The following MME variants were observed in gnomAD, a reference collection of about 807,000 sequenced individuals.
The protein encoded by MME is membrane metalloendopeptidase.
In MME, 98 loss-of-function variants were observed where a neutral mutation model predicts 113.2. The observed-to-expected ratio is 0.87, with a 90% CI of 0.74 to 1.02. MME has a LOEUF of 1.02. Among genes scored for constraint, MME ranks in the 50% least tolerant of loss-of-function variants. The pLI, the probability that MME is intolerant of heterozygous loss-of-function variation, is 0.00. For synonymous variants in MME, 292 were observed against 300.6 expected, an observed-to-expected ratio of 0.97 and a Z score of 0.30; for missense variants, 836 against 896.0, an observed-to-expected ratio of 0.93 and a Z score of 0.86.
intron 3 of MME, among the ~76,000 whole-genome samples, chr3:155,104,771 C>CTA (rs576416055): frequency 2.6e-5 from 4 of 152,156 alleles, no homozygotes; most frequent in Non-Finnish European, 5.9e-5. Flanking sequence ...TCATGACCTT[C>CTA]TATAGCTTTA....
intron 1 of MME, among the ~76,000 whole-genome samples, chr3:155,067,977 G>A (rs1714440373): frequency 6.6e-6 from 1 of 152,140 alleles, no homozygotes; most frequent in African/African-American, 2.4e-5. Context: ...ACTTAAAAAT[G>A]AATTTTCACA....
intron 17 of MME, 26 bp from the exon 18 acceptor site, chr3:155,166,876 T>C (rs749349258): frequency 1.2e-6 from 2 of 1,613,350 alleles, no homozygotes; most frequent in East Asian, 2.2e-5. Context: ...CCACAAATAA[T>C]CTCTAACTAT....
In MME at chr3:155,168,573, G is replaced by T. The variant is rs1358720141; in HGVS notation, c.1862G>T (p.Cys621Phe). The T allele has an allele frequency of 6.2e-7, 1 of 1,613,796 alleles. No individual in the cohort carries two copies. Among genetic ancestry groups the T allele is most frequent in the Non-Finnish European group, 8.5e-7 (1 of 1,179,780 alleles). Residue 621 changes from cysteine (C) to phenylalanine (F), a missense_variant, in exon 19 of 23, where the codon TGC becomes TTC. Physicochemically the swap from Cys to Phe is radical, Grantham distance 205. Transcript: ENST00000360490. ...SASNFKEQSQ[C>F]MVYQYGNFSW... The stretch of plus-strand genomic sequence containing the variant: ...AGTAACTTTAAGGAGCAATCCCAGT[G>T]CATGGTGTATCAGTATGGAAACTTT...
chr3:155,125,265 C>T (rs1719532247), intron 8 of MME, among the ~76,000 whole-genome samples: 1 of 140,144 alleles, frequency 7.1e-6, no homozygotes, highest in African/African-American at 2.5e-5. Context: ...AATGCCTCGC[C>T]CTGCTTCGGC....
chr3:155,033,010 C>T (rs932708029), intron 1 of MME, among the ~76,000 whole-genome samples: 5 of 152,100 alleles, frequency 3.3e-5, no homozygotes, highest in African/African-American at 1.2e-4. Flanking sequence ...AAAGATGTAA[C>T]TGTCATGGAA....
chr3:155,042,940 G>GTATA (rs57585504), intron 1 of MME, among the ~76,000 whole-genome samples: 16,815 of 52,468 alleles, frequency 0.32, 3,045 homozygotes, highest in East Asian at 0.56. Context: ...ATATATATAT[G>GTATA]TATATATATA....
intron 3 of MME, among the ~76,000 whole-genome samples, chr3:155,109,792 C>G (rs754548847): frequency 9.2e-5 from 14 of 152,166 alleles, no homozygotes; most frequent in South Asian, 2.1e-4. Context: ...CATGTTTAGC[C>G]AGGGTTGACA....
rs190045620 is a variant in MME, at chr3:155,028,497, C to T, written c.-11+4173C>T. Among the ~76,000 whole-genome samples the T allele has an allele frequency of 2.4e-3, 367 of 152,280 alleles. 3 individuals are homozygous for T. The highest frequency in any genetic ancestry group is 3.7e-3 in the Non-Finnish European group (251 of 68,024). ...AGGGGATCACCTGGTGTAGCAGATG[C>T]TGTACTACCTGCTTTCCACATTTCT... On this transcript the variant is annotated intron_variant, in intron 1 of 22. Coordinates refer to the MME transcript ENST00000492661.
At chr3:155,152,573 G>A (rs1722007941) in intron 16 of MME, among the ~76,000 whole-genome samples, 1 of 152,018 alleles carries the variant, frequency 6.6e-6, no homozygotes, top group African/African-American at 2.4e-5. Context: ...GGGCCCAGTG[G>A]CTCACGCCTA....
chr3:155,161,015 A>G (rs1301921709), intron 17 of MME, among the ~76,000 whole-genome samples: 7 of 152,136 alleles, frequency 4.6e-5, no homozygotes. Context: ...ATCAAAAAAG[A>G]AAAAATTTCG....
At position 155,044,331 on chromosome 3, in the gene MME, A is replaced by C. The variant is rs111345546; in HGVS notation, c.-11+20007A>C. ...TATTATTAGTACAGATGGGATTTCA[A>C]TATATTGGCCAGGCTGGTCTTGAAC... On this transcript the variant is annotated intron_variant, in intron 1 of 22. Transcript: ENST00000492661. 8.8e-4 allele frequency among the ~76,000 whole-genome samples: 133 copies of C among 150,632 alleles called. 1 individual carries two copies. Among genetic ancestry groups the C allele is most frequent in the African/African-American group, 3.1e-3 (126 of 41,114 alleles).
At chr3:155,149,636 A>G (rs1721772321) in intron 16 of MME, among the ~76,000 whole-genome samples, 1 of 152,088 alleles carries the variant, frequency 6.6e-6, no homozygotes, top group African/African-American at 2.4e-5. Flanking sequence ...ACATGGTGTA[A>G]TAAACTGCAC....
chr3:155,027,464 A>G (rs1712824901), intron 1 of MME, among the ~76,000 whole-genome samples: 1 of 152,224 alleles, frequency 6.6e-6, no homozygotes, highest in South Asian at 2.1e-4. Context: ...AAAGGCTATT[A>G]GCGGATTTCT....
chr3:155,116,470 C>T lies in MME; in HGVS notation c.359-9C>T. On this transcript the variant is annotated splice_polypyrimidine_tract_variant and intron_variant, in intron 4 of 22. Coordinates refer to ENST00000360490, the MANE Select transcript of MME (RefSeq NM_007289.4). ...ATGTTGATGCATTTTATTAAATGTCCTATTTCAGATGTCCTTCAAGAACCC... is the reference window on the plus strand; with the variant it reads ...ATGTTGATGCATTTTATTAAATGTCTTATTTCAGATGTCCTTCAAGAACCC... 1.3e-6 allele frequency: 2 copies of T among 1,586,276 alleles called. No individual in the cohort carries two copies. The highest frequency in any genetic ancestry group is 1.7e-6 in the Non-Finnish European group (2 of 1,155,208).
rs10935999 is a variant in MME, at chr3:155,140,108, C to T, written c.856-83C>T. The T allele has an allele frequency of 0.097, 84,696 of 876,100 alleles. 4,794 individuals are homozygous for T. Among genetic ancestry groups the T allele is most frequent in the Middle Eastern group, 0.12 (415 of 3,346 alleles). The allele number at this position is 876,100 out of a possible 1,614,324, so 54.3% of individuals were successfully genotyped here. A position where few individuals can be genotyped will look rare whatever the true frequency, so the allele number is the denominator to read the frequency against. On this transcript the variant is annotated intron_variant, in intron 9 of 22. Transcript: ENST00000360490. ...AGGACTTAAATTATGTTGTACCTAT[C>T]CTATATTTTTACCCTCATATGTAGT...
chr3:155,103,014 T>G (rs562128727), intron 3 of MME, among the ~76,000 whole-genome samples: 22 of 152,172 alleles, frequency 1.4e-4, no homozygotes, highest in Admixed American at 3.3e-4. Context: ...AAATATTTGT[T>G]GAATGGCCAA....
intron 8 of MME, among the ~76,000 whole-genome samples, chr3:155,133,741 GGT>G (rs1720388013): frequency 7.4e-6 from 1 of 134,836 alleles, no homozygotes. Context: ...ACATATATAT[GGT>G]GTATATATAT....
At chr3:155,070,681 A>G (rs563220157) in intron 1 of MME, among the ~76,000 whole-genome samples, 3 of 152,352 alleles carry the variant, frequency 2.0e-5, no homozygotes, top group African/African-American at 7.2e-5. Flanking sequence ...TAAGGATCCA[A>G]GAGAAGTTGG....
chr3:155,106,659 G>A (rs1348006761), intron 3 of MME, among the ~76,000 whole-genome samples: 3 of 152,216 alleles, frequency 2.0e-5, no homozygotes, highest in African/African-American at 7.2e-5. Flanking sequence ...ATTGTGGTTG[G>A]GGGGATGGTG....
Sources: gnomAD v4.1 joint callset for allele counts (sites outside exome capture counted in the v4.1 genomes callset) on GRCh38, gnomAD v4.1.1 for gene constraint, MANE v1.5 for transcripts, NCBI Gene and HGNC (gene_info 2026-07-23, HGNC 2026-07-21) for gene names.